CTNNA2: variants seen among roughly 807,000 people sequenced by gnomAD.
CTNNA2 encodes the protein catenin alpha 2.
In CTNNA2, 42 loss-of-function variants were observed where a neutral mutation model predicts 101.0. The observed-to-expected ratio is 0.42, with a 90% confidence interval of 0.32 to 0.54. The LOEUF is 0.54. Ranked by LOEUF, CTNNA2 falls within the 20% of genes least tolerant of loss-of-function variation. CTNNA2 has a pLI of 0.14. For missense variants in CTNNA2, 871 were observed against 1,223.1 expected, an observed-to-expected ratio of 0.71 and a Z score of 4.29; for synonymous variants, 450 against 456.4, an observed-to-expected ratio of 0.99 and a Z score of 0.18.
At chr2:80,492,898 G>A (rs1418920165) in intron 9 of CTNNA2, among the ~76,000 whole-genome samples, 9 of 152,060 alleles carry the variant, frequency 5.9e-5, no homozygotes, top group Non-Finnish European at 1.2e-4. Flanking sequence ...TCCCTTGGCG[G>A]ACTTCAGTTC....
At position 79,941,829 on chromosome 2, in the gene CTNNA2, G is replaced by A. The variant is rs983736989; in HGVS notation, c.1056+32032G>A. ...AGGTGGGGTGTCACCATGTTGGCCAGGCTGATCTTAAACTCCTGACCTCAA... is the reference window on the plus strand; with the variant it reads ...AGGTGGGGTGTCACCATGTTGGCCAAGCTGATCTTAAACTCCTGACCTCAA... On this transcript the variant is annotated intron_variant, in intron 7 of 18. Transcript: ENST00000402739. Among the ~76,000 whole-genome samples, 14 of 152,044 alleles carry A rather than the reference G, an allele frequency of 9.2e-5. No homozygotes were observed. In the East Asian group the frequency reaches 2.7e-3, roughly 29 times the overall value.
intron 3 of CTNNA2, among the ~76,000 whole-genome samples, chr2:79,841,078 T>G (rs1396497955): frequency 6.6e-6 from 1 of 152,126 alleles, no homozygotes; most frequent in Non-Finnish European, 1.5e-5. Context: ...CGAGACTCCC[T>G]CTCTTATGTA....
intron 15 of CTNNA2, among the ~76,000 whole-genome samples, chr2:80,591,026 A>T (rs967809473): frequency 2.0e-5 from 3 of 152,150 alleles, no homozygotes; most frequent in Non-Finnish European, 2.9e-5. Flanking sequence ...GCATCACTTG[A>T]ACAAATAATC....
At chr2:79,519,509 A>C (rs1024887115) in intron 1 of CTNNA2, among the ~76,000 whole-genome samples, 4 of 152,250 alleles carry the variant, frequency 2.6e-5, no homozygotes, top group South Asian at 4.1e-4. Context: ...CAAACTCTCC[A>C]ACACTTATTT....
chr2:79,892,020 G>A (rs1684339363), intron 6 of CTNNA2, among the ~76,000 whole-genome samples: 1 of 152,028 alleles, frequency 6.6e-6, no homozygotes, highest in Admixed American at 6.6e-5. Flanking sequence ...ACACTGGTAT[G>A]TCCTTTATTA....
At chr2:80,339,491 A>G (rs952303311) in intron 7 of CTNNA2, among the ~76,000 whole-genome samples, 17 of 152,220 alleles carry the variant, frequency 1.1e-4, no homozygotes, top group East Asian at 1.9e-4. Context: ...AATACTTTCT[A>G]TATAAGGTGA....
chr2:80,161,212 C>T (rs996363611), intron 7 of CTNNA2, among the ~76,000 whole-genome samples: 1 of 152,104 alleles, frequency 6.6e-6, no homozygotes, highest in Non-Finnish European at 1.5e-5. Context: ...GACAGGGTTT[C>T]ACCATGTTGG....
chr2:80,392,630 C>T (rs1677620653), intron 7 of CTNNA2, among the ~76,000 whole-genome samples: 2 of 152,044 alleles, frequency 1.3e-5, no homozygotes, highest in South Asian at 4.1e-4. Context: ...TTCCTCATGA[C>T]CTCAAGCTGT....
chr2:79,192,582 T>G (rs1673888588), intron 1 of CTNNA2, among the ~76,000 whole-genome samples: 1 of 152,198 alleles, frequency 6.6e-6, no homozygotes, highest in South Asian at 2.1e-4. Context: ...ATTTTTGAGA[T>G]AGCAAAATAT....
intron 7 of CTNNA2, among the ~76,000 whole-genome samples, chr2:80,251,440 A>G (rs160865): frequency 0.43 from 64,775 of 152,014 alleles, 15,281 homozygotes; most frequent in Non-Finnish European, 0.54. Flanking sequence ...CCCAGTTTGA[A>G]AAATGGAAAT....
At chr2:80,386,130 A>G (rs942698001) in intron 7 of CTNNA2, among the ~76,000 whole-genome samples, 1 of 152,164 alleles carries the variant, frequency 6.6e-6, no homozygotes, top group East Asian at 1.9e-4. Context: ...CTTACATTAT[A>G]TATTGAGGAT....
At chr2:80,506,598 TA>T (rs1353566179) in intron 9 of CTNNA2, among the ~76,000 whole-genome samples, 1 of 152,160 alleles carries the variant, frequency 6.6e-6, no homozygotes, top group Non-Finnish European at 1.5e-5. Flanking sequence ...AGGGCAGAGT[TA>T]AAGATAGAAC....
At chr2:79,556,743 C>T (rs897530596) in intron 1 of CTNNA2, among the ~76,000 whole-genome samples, 1 of 151,958 alleles carries the variant, frequency 6.6e-6, no homozygotes, top group Non-Finnish European at 1.5e-5. Context: ...TAAATACTGC[C>T]TCCCCTAATT....
intron 1 of CTNNA2, among the ~76,000 whole-genome samples, chr2:79,595,458 A>G (rs1042567222): frequency 6.6e-6 from 1 of 152,182 alleles, no homozygotes; most frequent in Non-Finnish European, 1.5e-5. Context: ...AATTCAGTAC[A>G]TCTAAAATTA....
intron 3 of CTNNA2, among the ~76,000 whole-genome samples, chr2:79,849,220 A>C (rs560760966): frequency 3.3e-5 from 5 of 152,258 alleles, no homozygotes; most frequent in African/African-American, 1.2e-4. Flanking sequence ...CCCTTGGTAG[A>C]AAGACAAAGG....
intron 7 of CTNNA2, among the ~76,000 whole-genome samples, chr2:80,137,589 G>A (rs529041375): frequency 1.3e-5 from 2 of 152,100 alleles, no homozygotes; most frequent in African/African-American, 4.8e-5. Flanking sequence ...CTAATGAAAG[G>A]CTAGTTAAGT....
chr2:79,970,837 G>A (rs983300723), intron 7 of CTNNA2, among the ~76,000 whole-genome samples: 1 of 152,060 alleles, frequency 6.6e-6, no homozygotes, highest in Admixed American at 6.6e-5. Flanking sequence ...ACTCAGAGGG[G>A]GAGACCTAGG....
chr2:79,908,986 G>C (rs565849978), intron 6 of CTNNA2, among the ~76,000 whole-genome samples: 1 of 152,274 alleles, frequency 6.6e-6, no homozygotes, highest in Admixed American at 6.5e-5. Context: ...TTCCAAACAG[G>C]TAAATACCTT....
chr2:80,085,549 A>G (rs1403168466), intron 7 of CTNNA2, among the ~76,000 whole-genome samples: 2 of 152,106 alleles, frequency 1.3e-5, no homozygotes, highest in African/African-American at 4.8e-5. Context: ...GCACACCTGT[A>G]TTCCTGAGGC....
Sources: allele counts gnomAD v4.1 joint callset (sites outside exome capture counted in the v4.1 genomes callset), GRCh38; gene constraint gnomAD v4.1.1; transcripts MANE v1.5; gene names NCBI Gene and HGNC (gene_info 2026-07-23, HGNC 2026-07-21).